Variants in DPF3 observed in about 807,000 individuals in gnomAD.
The protein encoded by DPF3 is zinc finger protein DPF3.
A neutral mutation model predicts 56.8 loss-of-function variants in DPF3; 18 were observed. That is an observed-to-expected ratio of 0.32 (90% CI 0.22 to 0.47). DPF3 has a LOEUF of 0.47. Ranked by LOEUF, DPF3 falls within the 20% of genes least tolerant of loss-of-function variation. The pLI, the probability that DPF3 is intolerant of heterozygous loss-of-function variation, is 1.00. For missense variants in DPF3, 403 were observed against 488.8 expected (o/e 0.82, Z 1.65); for synonymous variants, 188 against 180.2 (o/e 1.04, Z -0.35).
At chr14:72,737,113 G>GA (rs1277444393) in intron 3 of DPF3, among the ~76,000 whole-genome samples, 1 of 147,432 alleles carries the variant, frequency 6.8e-6, no homozygotes, top group Non-Finnish European at 1.5e-5. Context: ...TTCTAAATAA[G>GA]AAAAAACCTC....
chr14:72,650,964 G>C (rs1480913575), intron 8 of DPF3, among the ~76,000 whole-genome samples: 3 of 152,200 alleles, frequency 2.0e-5, no homozygotes, highest in Non-Finnish European at 4.4e-5. Context: ...TTCTTAAAGA[G>C]GATAGCACTA....
chr14:72,768,034 G>T (rs1299994601), intron 2 of DPF3, among the ~76,000 whole-genome samples: 1 of 152,102 alleles, frequency 6.6e-6, no homozygotes, highest in African/African-American at 2.4e-5. Flanking sequence ...TATCAACTCA[G>T]AATTTTATAT....
chr14:72,684,390 AAGCC>A (rs1267842990), intron 7 of DPF3, among the ~76,000 whole-genome samples: 7 of 152,160 alleles, frequency 4.6e-5, no homozygotes, highest in Admixed American at 2.6e-4. Context: ...ACCCAGGCAG[AAGCC>A]AGGGGTGGCC....
rs974403309 is a variant in DPF3 at position 72,609,228 on chromosome 14, G to A, written c.*10069C>T. 2.0e-5 allele frequency among the ~76,000 whole-genome samples: 3 copies of A among 152,260 alleles called. No individual in the cohort carries two copies. The highest frequency in any genetic ancestry group is 4.4e-5 in the Non-Finnish European group (3 of 68,010). The stretch of plus-strand genomic sequence containing the variant: ...ATATCGAGGGGTCCCAAAGAAGAAG[G>A]CTGCTCGATCCCCACATTCTTCATC... On this transcript the variant is annotated 3_prime_UTR_variant, in exon 11 of 11. Transcript: ENST00000556509.
intron 1 of DPF3, among the ~76,000 whole-genome samples, chr14:72,821,103 C>T (rs984139866): frequency 7.4e-5 from 11 of 148,334 alleles, no homozygotes; most frequent in African/African-American, 2.7e-4. Flanking sequence ...CACTGTACTC[C>T]AGCCTGGGCA....
At chr14:72,748,408 G>T (rs539364986) in intron 3 of DPF3, among the ~76,000 whole-genome samples, 1 of 152,076 alleles carries the variant, frequency 6.6e-6, no homozygotes, top group South Asian at 2.1e-4. Flanking sequence ...GCTGTTAAAG[G>T]CATTCAGTTT....
intron 1 of DPF3, among the ~76,000 whole-genome samples, chr14:72,839,874 G>A (rs1228298007): frequency 7.9e-5 from 12 of 152,264 alleles, no homozygotes; most frequent in Admixed American, 2.6e-4. Flanking sequence ...CAAAGCAGGC[G>A]GGTGCTCACT....
At chr14:72,813,398 C>T (rs546853472) in intron 1 of DPF3, among the ~76,000 whole-genome samples, 3 of 152,320 alleles carry the variant, frequency 2.0e-5, no homozygotes, top group East Asian at 3.9e-4. Context: ...CTGCTGAGCG[C>T]TTGCAGCTTT....
chr14:72,756,873 G>GA (rs1890832673), intron 2 of DPF3, among the ~76,000 whole-genome samples: 11 of 55,518 alleles, frequency 2.0e-4, no homozygotes, highest in East Asian at 5.4e-4. Context: ...AGAAAGAAAG[G>GA]AAGGAAAGAA....
chr14:72,664,457 G>A (rs1039664693), intron 8 of DPF3, among the ~76,000 whole-genome samples: 3 of 151,894 alleles, frequency 2.0e-5, no homozygotes, highest in Middle Eastern at 3.2e-3. Flanking sequence ...CAGGTCAACT[G>A]CAGGCCACAA....
intron 2 of DPF3, among the ~76,000 whole-genome samples, chr14:72,769,226 G>A (rs989458125): frequency 2.0e-5 from 3 of 152,110 alleles, no homozygotes; most frequent in African/African-American, 4.8e-5. Flanking sequence ...ACAGCACTGC[G>A]GTCTCTAAGT....
chr14:72,707,415 G>A (rs10150185), intron 6 of DPF3, among the ~76,000 whole-genome samples: 110,502 of 152,066 alleles, frequency 0.73, 43,776 homozygotes, highest in Non-Finnish European at 0.9. Context: ...GACTTCCACA[G>A]TGGTTGAACT....
intron 1 of DPF3, among the ~76,000 whole-genome samples, chr14:72,838,629 G>A (rs1350307225): frequency 6.6e-6 from 1 of 151,710 alleles, no homozygotes; most frequent in Non-Finnish European, 1.5e-5. Flanking sequence ...GGCCGAGGTG[G>A]CGGTGTAATC....
At chr14:72,675,584 C>T (rs117805483) in intron 7 of DPF3, 2,681 of 152,290 alleles carry the variant, frequency 0.018, 39 homozygotes, top group Non-Finnish European at 0.029. Flanking sequence ...ACGGATTCAC[C>T]CACTTTAATG....
intron 8 of DPF3, among the ~76,000 whole-genome samples, chr14:72,634,211 G>A (rs1389188847): frequency 1.3e-5 from 2 of 152,182 alleles, no homozygotes; most frequent in African/African-American, 4.8e-5. Flanking sequence ...CAGGGAGGGT[G>A]AGACACAAAA....
chr14:72,675,283 T>C (rs1470932379), intron 7 of DPF3, among the ~76,000 whole-genome samples: 1 of 152,218 alleles, frequency 6.6e-6, no homozygotes, highest in Non-Finnish European at 1.5e-5. Flanking sequence ...TTGAGAAGCC[T>C]TGAACAGATT....
In DPF3 at chr14:72,844,407, C is replaced by T. The variant is rs373868796; in HGVS notation, c.32+49650G>A. On this transcript the variant is annotated intron_variant, in intron 1 of 10. Transcript: ENST00000556509. Reference sequence around the variant, plus strand: ...TTTGATTGGAGGGGGGAAAATTCCCCGTAAATATGTTTGCTTCTTTTTCCT... The same window carrying T: ...TTTGATTGGAGGGGGGAAAATTCCCTGTAAATATGTTTGCTTCTTTTTCCT... 9.5e-4 allele frequency among the ~76,000 whole-genome samples: 145 copies of T among 152,244 alleles called. 1 individual carries two copies. Among genetic ancestry groups the T allele is most frequent in the Middle Eastern group, 3.4e-3 (1 of 294 alleles).
At chr14:72,866,506 C>T (rs561673032) in intron 1 of DPF3, among the ~76,000 whole-genome samples, 51 of 150,810 alleles carry the variant, frequency 3.4e-4, no homozygotes, top group African/African-American at 9.7e-4. Context: ...CCATCGATAC[C>T]AGCCATGGAG....
intron 1 of DPF3, among the ~76,000 whole-genome samples, chr14:72,782,374 C>T (rs1255908248): frequency 6.6e-6 from 1 of 152,114 alleles, no homozygotes; most frequent in Non-Finnish European, 1.5e-5. Context: ...CAGACACACG[C>T]CACCACACTT....
Sources: gnomAD v4.1 joint callset for allele counts (sites outside exome capture counted in the v4.1 genomes callset) on GRCh38, gnomAD v4.1.1 for gene constraint, MANE v1.5 for transcripts, NCBI Gene and HGNC (gene_info 2026-07-23, HGNC 2026-07-21) for gene names.